The following DAB1 variants were observed in gnomAD, a reference collection of about 807,000 sequenced individuals.
DAB1 encodes the protein disabled homolog 1.
DAB1 carries 15 observed loss-of-function variants against 64.6 expected under a neutral mutation model. That is an observed-to-expected ratio of 0.23 (90% CI 0.16 to 0.36). DAB1 has a LOEUF of 0.36. DAB1 is among the 10% of genes least tolerant of loss of function. The pLI, the probability that DAB1 is intolerant of heterozygous loss-of-function variation, is 1.00. For missense variants in DAB1, 596 were observed against 706.7 expected (o/e 0.84, Z 1.78); for synonymous variants, 235 against 251.9 (o/e 0.93, Z 0.64).
intron 7 of DAB1, among the ~76,000 whole-genome samples, chr1:57,571,193 A>AT (rs1645190149): frequency 6.6e-6 from 1 of 152,102 alleles, no homozygotes; most frequent in African/African-American, 2.4e-5. Flanking sequence ...GGTGCCCTTT[A>AT]TTTTTTTCTC....
At chr1:58,485,975 G>C (rs188557604) in intron 3 of DAB1, among the ~76,000 whole-genome samples, 2 of 152,300 alleles carry the variant, frequency 1.3e-5, no homozygotes, top group East Asian at 3.9e-4. Context: ...AGAATCCTGA[G>C]GAAGATTTGA....
Position 57,740,277 on chromosome 1 carries a change from G to C in DAB1, n.552-90612C>G, listed in dbSNP as rs111652262. Among the ~76,000 whole-genome samples, 352 of 152,174 alleles carry C rather than the reference G, an allele frequency of 2.3e-3. 5 individuals carry two copies. The highest frequency in any genetic ancestry group is 7.8e-3 in the African/African-American group (322 of 41,504). The stretch of plus-strand genomic sequence containing the variant: ...TAAAAATAATCTCATATGGCACTAG[G>C]AATGCCCACATAACACTTTTGGAAA... On this transcript the variant is annotated intron_variant and non_coding_transcript_variant, in intron 6 of 20. Coordinates refer to the DAB1 transcript ENST00000485760.
At chr1:58,166,779 G>A (rs1477316964) in intron 4 of DAB1, among the ~76,000 whole-genome samples, 1 of 149,056 alleles carries the variant, frequency 6.7e-6, no homozygotes, top group Non-Finnish European at 1.5e-5. Context: ...TTGAGACAGG[G>A]TCTTGCTCTG....
chr1:58,112,354 C>T (rs1456211181), intron 5 of DAB1, among the ~76,000 whole-genome samples: 1 of 152,194 alleles, frequency 6.6e-6, no homozygotes, highest in African/African-American at 2.4e-5. Flanking sequence ...TATAACAGTG[C>T]CAAGTATAAA....
At chr1:58,486,466 A>G (rs1433480068) in intron 3 of DAB1, among the ~76,000 whole-genome samples, 1 of 152,146 alleles carries the variant, frequency 6.6e-6, no homozygotes, top group East Asian at 1.9e-4. Flanking sequence ...GGACTGTTCA[A>G]TTCTACTGCC....
At chr1:57,992,857 AC>A (rs954264378) in intron 5 of DAB1, among the ~76,000 whole-genome samples, 18 of 152,144 alleles carry the variant, frequency 1.2e-4, no homozygotes, top group African/African-American at 4.1e-4. Context: ...TGGCCAGGAA[AC>A]CAAATTCCAC....
intron 7 of DAB1, among the ~76,000 whole-genome samples, chr1:57,522,855 G>T (rs146328409): frequency 1.1e-3 from 173 of 152,268 alleles, no homozygotes; most frequent in African/African-American, 3.9e-3. Context: ...TGAGTCTTCC[G>T]GCCTTCATCT....
At chr1:57,301,881 G>C (rs1673692123) in intron 1 of DAB1, among the ~76,000 whole-genome samples, 1 of 152,110 alleles carries the variant, frequency 6.6e-6, no homozygotes, top group Non-Finnish European at 1.5e-5. Flanking sequence ...TTGCCCGCTG[G>C]ACCCACTCGA....
At chr1:58,206,107 G>A (rs1239870898) in intron 4 of DAB1, among the ~76,000 whole-genome samples, 13 of 152,140 alleles carry the variant, frequency 8.5e-5, no homozygotes, top group Non-Finnish European at 1.6e-4. Flanking sequence ...GTCTCAGGAC[G>A]TCCTGATGAC....
chr1:58,393,333 C>T (rs1008583581), intron 3 of DAB1, among the ~76,000 whole-genome samples: 45 of 152,182 alleles, frequency 3.0e-4, no homozygotes, highest in African/African-American at 1.0e-3. Context: ...ATTGATTGAG[C>T]AGAGATGGAA....
intron 4 of DAB1, among the ~76,000 whole-genome samples, chr1:58,216,164 AT>A (rs1658839019): frequency 6.6e-6 from 1 of 152,022 alleles, no homozygotes; most frequent in Non-Finnish European, 1.5e-5. Flanking sequence ...ATTTCTCCCA[AT>A]GCTATCCCTC....
intron 2 of DAB1, among the ~76,000 whole-genome samples, chr1:57,254,783 A>G (rs1669632724): frequency 6.6e-6 from 1 of 152,170 alleles, no homozygotes; most frequent in Admixed American, 6.5e-5. Context: ...AAAAAGGTAT[A>G]GAGATATACA....
chr1:57,006,772 T>C (rs561055511), intron 14 of DAB1, among the ~76,000 whole-genome samples: 1 of 152,334 alleles, frequency 6.6e-6, no homozygotes, highest in Admixed American at 6.5e-5. Flanking sequence ...AAAAAGAGAA[T>C]GGTAATAATA....
intron 9 of DAB1, among the ~76,000 whole-genome samples, chr1:57,035,930 C>T (rs1223527169): frequency 2.8e-5 from 4 of 141,058 alleles, no homozygotes; most frequent in Non-Finnish European, 6.0e-5. Flanking sequence ...GCAACCGTTG[C>T]CTCCCAGGCT....
At chr1:57,939,040 G>C (rs1361629379) in intron 5 of DAB1, among the ~76,000 whole-genome samples, 3 of 152,222 alleles carry the variant, frequency 2.0e-5, no homozygotes, top group African/African-American at 7.2e-5. Flanking sequence ...ACCGTAGACA[G>C]GGTAGCTTTT....
At chr1:57,375,050 T>C (rs1305408255) in intron 1 of DAB1, among the ~76,000 whole-genome samples, 2 of 152,158 alleles carry the variant, frequency 1.3e-5, no homozygotes, top group African/African-American at 4.8e-5. Context: ...TTAGTGCTTG[T>C]TCTGCCACTC....
At chr1:58,410,138 C>T (rs914737802) in intron 3 of DAB1, among the ~76,000 whole-genome samples, 5 of 152,194 alleles carry the variant, frequency 3.3e-5, no homozygotes, top group African/African-American at 9.6e-5. Flanking sequence ...CAGCCCCGGC[C>T]GCCCCTCCAC....
chr1:57,180,336 C>T (rs545560497), intron 2 of DAB1, among the ~76,000 whole-genome samples: 1 of 152,314 alleles, frequency 6.6e-6, no homozygotes, highest in East Asian at 1.9e-4. Context: ...ACACCACTTC[C>T]CAATTCTGTT....
intron 1 of DAB1, among the ~76,000 whole-genome samples, chr1:57,358,668 A>G (rs1679310815): frequency 6.6e-6 from 1 of 152,140 alleles, no homozygotes; most frequent in Admixed American, 6.6e-5. Flanking sequence ...CCAAATAGCC[A>G]AAACAATCTT....
Sources: gnomAD v4.1 joint callset for allele counts (sites outside exome capture counted in the v4.1 genomes callset) on GRCh38, gnomAD v4.1.1 for gene constraint, MANE v1.5 for transcripts, NCBI Gene and HGNC (gene_info 2026-07-23, HGNC 2026-07-21) for gene names.